The following EIF4ENIF1 variants were observed in gnomAD, a reference collection of about 807,000 sequenced individuals.
The protein encoded by EIF4ENIF1 is eukaryotic translation initiation factor 4E nuclear import factor 1.
EIF4ENIF1 carries 23 observed loss-of-function variants against 110.5 expected under a neutral mutation model. The ratio of observed to expected loss-of-function variants is 0.21; its 90% CI spans 0.15 to 0.29. The LOEUF (loss-of-function observed/expected upper bound fraction) is 0.29. Ranked by LOEUF, EIF4ENIF1 falls within the 10% of genes least tolerant of loss-of-function variation. The pLI is 1.00. For missense variants in EIF4ENIF1, 1,031 were observed against 1,221.1 expected (o/e 0.84, Z 2.32); for synonymous variants, 440 against 437.0 (o/e 1.01, Z -0.09).
At chr22:31,464,683 AAAAAAAAAAAAAAAAAATATATAT>A (rs1400587889) in intron 4 of EIF4ENIF1, among the ~76,000 whole-genome samples, 3 of 32,724 alleles carry the variant, frequency 9.2e-5, no homozygotes, top group Admixed American at 6.0e-4. Context: ...CTCAAAAAAA[AAAAAAAAAAAAAAAAAATATATAT>A]ATATATATAT....
At chr22:31,472,566 G>A (rs2051418936) in intron 2 of EIF4ENIF1, among the ~76,000 whole-genome samples, 1 of 152,112 alleles carries the variant, frequency 6.6e-6, no homozygotes, top group African/African-American at 2.4e-5. Context: ...ACCGGGCCGG[G>A]GGGCGATAGT....
chr22:31,450,993 ATC>A (rs1193769847), intron 10 of EIF4ENIF1: 1 of 152,902 alleles, frequency 6.5e-6, no homozygotes, highest in Non-Finnish European at 1.5e-5. Flanking sequence ...CGATCCTCTC[ATC>A]TCAGCCTCCT....
intron 2 of EIF4ENIF1, 118 bp from the exon 3 acceptor site, chr22:31,472,035 C>T (rs2146036310): frequency 1.3e-6 from 1 of 762,030 alleles, no homozygotes; most frequent in Non-Finnish European, 2.1e-6. Context: ...TTCTTATTTA[C>T]ATCTTGCCTT....
At position 31,468,159 on chromosome 22, in the gene EIF4ENIF1, G is replaced by C; in HGVS notation, c.298+16C>G. The C allele has an allele frequency of 6.2e-7, 1 of 1,611,632 alleles. No homozygotes were observed. The highest frequency in any genetic ancestry group is 1.1e-5 in the South Asian group (1 of 90,574). ...CCAAAATCACTAACCCCACTTCTGA[G>C]TGACTGTGTGCTCACCTACTATCCT... On this transcript the variant is annotated intron_variant, in intron 4 of 18. Transcript: ENST00000330125.
upstream of EIF4ENIF1, among the ~76,000 whole-genome samples, chr22:31,491,025 G>GTTT (rs539907855): frequency 2.0e-5 from 3 of 151,846 alleles, no homozygotes; most frequent in African/African-American, 7.3e-5. Context: ...CTTACAAACT[G>GTTT]TTTTTTTACA....
chr22:31,485,680 T>A (rs745318192), intron 2 of EIF4ENIF1, among the ~76,000 whole-genome samples: 1 of 151,230 alleles, frequency 6.6e-6, no homozygotes. Context: ...GGTGCATGCC[T>A]GTAATCCCAC....
chr22:31,437,617 T>C (rs546337091), downstream of EIF4ENIF1: 1 of 152,234 alleles, frequency 6.6e-6, no homozygotes, highest in African/African-American at 2.4e-5. Flanking sequence ...ATGGTACCTG[T>C]TTCTGTCCTA....
rs575134045 is a variant in EIF4ENIF1, at chr22:31,462,325, T to C, written c.787+607A>G. ...GGTGAAACCCCATCTCTACTAAAAATAGAAAAAATTACCCAGGCGTCATGG... is the reference window on the plus strand; with the variant it reads ...GGTGAAACCCCATCTCTACTAAAAACAGAAAAAATTACCCAGGCGTCATGG... On this transcript the variant is annotated intron_variant, in intron 6 of 18. Coordinates refer to ENST00000330125, the MANE Select transcript of EIF4ENIF1 (RefSeq NM_019843.4). 1.3e-4 allele frequency among the ~76,000 whole-genome samples: 20 copies of C among 151,660 alleles called. 1 individual carries two copies. The South Asian group carries it at 3.8e-3, about 28-fold the overall frequency.
chr22:31,455,395 CTTTTTT>C (rs67838369), intron 8 of EIF4ENIF1, 80 bp from the exon 9 acceptor site: 7 of 809,876 alleles, frequency 8.6e-6, no homozygotes, highest in South Asian at 8.3e-5. Context: ...TTCTTTCTTT[CTTTTTT>C]TTTTTTTTTT....
chr22:31,449,426 A>C lies in EIF4ENIF1; in HGVS notation c.1690T>G (p.Ser564Ala), dbSNP rs752653552. 23 of 1,614,016 alleles carry C rather than the reference A, an allele frequency of 1.4e-5. No individual in the cohort carries two copies. The East Asian group carries it at 4.0e-4, about 28-fold the overall frequency. ...TTSLLGQRAP[S>A]PPLSQVFQTR... ...TGAAACACCTGTGACAAGGGAGGAGAGGGTGCTCTTTGGCCCAGTAAAGAT... is the reference window on the plus strand; with the variant it reads ...TGAAACACCTGTGACAAGGGAGGAGCGGGTGCTCTTTGGCCCAGTAAAGAT... The change falls in exon 12 of 19, where the codon TCT (serine) becomes GCT (alanine). Residue 564 changes from serine to alanine, a missense_variant. Physicochemically the swap from Ser to Ala is moderately conservative, Grantham distance 99. Transcript: ENST00000330125.
At chr22:31,457,441 A>G (rs2050864425) in intron 7 of EIF4ENIF1, among the ~76,000 whole-genome samples, 1 of 152,230 alleles carries the variant, frequency 6.6e-6, no homozygotes, top group Non-Finnish European at 1.5e-5. Flanking sequence ...GACAAGATAG[A>G]GCAAACATCT....
intron 7 of EIF4ENIF1, among the ~76,000 whole-genome samples, chr22:31,456,373 G>A (rs553937116): frequency 8.9e-4 from 135 of 151,786 alleles, no homozygotes; most frequent in Middle Eastern, 6.8e-3. Flanking sequence ...ACAGGCGCCT[G>A]CCACCACGCC....
intron 10 of EIF4ENIF1, among the ~76,000 whole-genome samples, chr22:31,452,355 GT>G (rs112302702): frequency 2.2e-4 from 33 of 152,284 alleles, no homozygotes; most frequent in African/African-American, 7.7e-4. Flanking sequence ...TGCTAGCTGA[GT>G]TTGTCTTAGC....
At chr22:31,488,795 G>T in intron 1 of EIF4ENIF1, 50 bp from the exon 2 acceptor site, 1 of 1,541,556 alleles carries the variant, frequency 6.5e-7, no homozygotes, top group South Asian at 1.2e-5. Flanking sequence ...TAAGTTTTCA[G>T]AAATCTTGGC....
chr22:31,472,980 C>T (rs1321875018), intron 2 of EIF4ENIF1, among the ~76,000 whole-genome samples: 11 of 152,148 alleles, frequency 7.2e-5, no homozygotes, highest in Admixed American at 1.3e-4. Flanking sequence ...CCCACCCACA[C>T]ACCTTTCCCA....
At chr22:31,481,533 T>C (rs917565543) in intron 2 of EIF4ENIF1, among the ~76,000 whole-genome samples, 19 of 152,194 alleles carry the variant, frequency 1.2e-4, no homozygotes, top group African/African-American at 4.6e-4. Flanking sequence ...GAGTTACTAC[T>C]CAGTTTATAA....
upstream of EIF4ENIF1, among the ~76,000 whole-genome samples, chr22:31,491,891 TTACC>T (rs2146136796): frequency 6.6e-6 from 1 of 152,268 alleles, no homozygotes; most frequent in South Asian, 2.1e-4. Flanking sequence ...GGATTTCTGG[TTACC>T]TACTGTTACG....
At chr22:31,442,875 A>G (rs1321242245) in intron 16 of EIF4ENIF1, 87 bp downstream of exon 16, 7 of 1,539,088 alleles carry the variant, frequency 4.5e-6, no homozygotes, top group Non-Finnish European at 6.1e-6. Flanking sequence ...AGGGCTTTGT[A>G]TAGAATATCA....
chr22:31,462,878 C>T, intron 6 of EIF4ENIF1, 54 bp downstream of exon 6: 2 of 1,581,234 alleles, frequency 1.3e-6, no homozygotes, highest in Non-Finnish European at 1.7e-6. Context: ...CCACCACGCC[C>T]AGCCTACATC....
Sources: gnomAD v4.1 joint callset for allele counts (sites outside exome capture counted in the v4.1 genomes callset) on GRCh38, gnomAD v4.1.1 for gene constraint, MANE v1.5 for transcripts, NCBI Gene and HGNC (gene_info 2026-07-23, HGNC 2026-07-21) for gene names.